Variants in GAS2 observed in about 807,000 individuals in gnomAD.
The protein encoded by GAS2 is growth arrest-specific protein 2.
GAS2 carries 20 observed loss-of-function variants against 37.5 expected under a neutral mutation model. The observed-to-expected ratio is 0.53, with a 90% CI of 0.37 to 0.77. GAS2 has a LOEUF of 0.77. Ranked by LOEUF, GAS2 falls within the 30% of genes least tolerant of loss-of-function variation. The probability of loss-of-function intolerance (pLI) is 0.00; values close to 1 mark genes in which losing one functional copy is unlikely to be tolerated. For missense variants in GAS2, 336 were observed against 373.4 expected (o/e 0.90, Z 0.82); for synonymous variants, 144 against 132.2 (o/e 1.09, Z -0.61).
intron 3 of GAS2, among the ~76,000 whole-genome samples, chr11:22,718,432 G>A (rs1851790099): frequency 6.6e-6 from 1 of 151,104 alleles, no homozygotes; most frequent in South Asian, 2.1e-4. Flanking sequence ...CAAACATTGT[G>A]TGTTCTCAGT....
At chr11:22,661,740 C>T (rs1437229377), upstream of GAS2, among the ~76,000 whole-genome samples, 3 of 152,138 alleles carry the variant, frequency 2.0e-5, no homozygotes, top group African/African-American at 7.2e-5. Context: ...TGCATCAAGT[C>T]TACCAATAAC....
At chr11:22,754,682 A>C (rs1435690076) in intron 6 of GAS2, among the ~76,000 whole-genome samples, 1 of 152,082 alleles carries the variant, frequency 6.6e-6, no homozygotes, top group African/African-American at 2.4e-5. Context: ...AGGAAAAACA[A>C]GTTGTTTAAT....
intron 1 of GAS2, among the ~76,000 whole-genome samples, chr11:22,645,699 T>C (rs910675668): frequency 6.6e-6 from 1 of 151,978 alleles, no homozygotes; most frequent in Non-Finnish European, 1.5e-5. Context: ...GAATGTCAAA[T>C]TTTATAGTGA....
chr11:22,774,335 TTC>T (rs1855143533), intron 7 of GAS2, among the ~76,000 whole-genome samples: 1 of 152,208 alleles, frequency 6.6e-6, no homozygotes, highest in African/African-American at 2.4e-5. Context: ...AATTTATTTA[TTC>T]TGTTACAAGT....
At chr11:22,701,702 G>T (rs1318572077) in intron 3 of GAS2, among the ~76,000 whole-genome samples, 2 of 152,046 alleles carry the variant, frequency 1.3e-5, no homozygotes, top group Non-Finnish European at 2.9e-5. Context: ...GGTGGCAGGT[G>T]CCTGTAGTCC....
chr11:22,753,070 T>C (rs1181583413), intron 6 of GAS2, among the ~76,000 whole-genome samples: 1 of 152,078 alleles, frequency 6.6e-6, no homozygotes, highest in Non-Finnish European at 1.5e-5. Context: ...CTTACTTTCT[T>C]CCTCTTCTCC....
chr11:22,805,785 T>C (rs1489422955), intron 7 of GAS2, among the ~76,000 whole-genome samples: 2 of 152,306 alleles, frequency 1.3e-5, no homozygotes, highest in African/African-American at 4.8e-5. Flanking sequence ...ATTCTGATTA[T>C]TTCTTGATGA....
Position 22,652,993 on chromosome 11 carries a change from G to GTCTTCCTTTCTTTCTT in GAS2, c.-20-21853_-20-21852insCCTTTCTTTCTTTCTT, listed in dbSNP as rs1848805744. Among the ~76,000 whole-genome samples the GTCTTCCTTTCTTTCTT allele has an allele frequency of 1.2e-4, 12 of 97,114 alleles. No individual in the cohort carries two copies. In the South Asian group the frequency reaches 4.3e-3, roughly 35 times the overall value. The allele number at this position is 97,114 out of a possible 152,430, so 63.7% of individuals were successfully genotyped here. On this transcript the variant is annotated intron_variant, in intron 1 of 5. Coordinates refer to the GAS2 transcript ENST00000528582. ...TTTCTTTCTTTGTCTTTCTTTCTTT[G>GTCTTCCTTTCTTTCTT]TCTTTCTTTCTTTCTTTCTTTCTTT... is the stretch of plus-strand genomic sequence containing the variant.
chr11:22,643,816 G>C (rs1173736641), intron 1 of GAS2, among the ~76,000 whole-genome samples: 1 of 151,870 alleles, frequency 6.6e-6, no homozygotes, highest in African/African-American at 2.4e-5. Context: ...ACAGTTATCA[G>C]TATATTGCTA....
chr11:22,746,482 G>A (rs891173304), intron 5 of GAS2, among the ~76,000 whole-genome samples: 1 of 152,080 alleles, frequency 6.6e-6, no homozygotes, highest in Admixed American at 6.6e-5. Context: ...ATGGTGGATT[G>A]GATAAAGAAA....
chr11:22,700,443 G>A lies in GAS2; in HGVS notation c.267+14654G>A, dbSNP rs75238288. On this transcript the variant is annotated intron_variant, in intron 3 of 7. Coordinates refer to ENST00000454584, the MANE Select transcript of GAS2 (RefSeq NM_001143830.3). ...AGGAGCAAATCTGACTTTTCCAGTC[G>A]TAAAGACGGAAGATTTGAGAATTTT... 4.5e-4 allele frequency among the ~76,000 whole-genome samples: 69 copies of A among 152,230 alleles called. No individual in the cohort carries two copies. The East Asian group carries it at 7.7e-3, about 17-fold the overall frequency.
intron 3 of GAS2, among the ~76,000 whole-genome samples, chr11:22,694,382 A>C (rs1259605023): frequency 6.6e-6 from 1 of 152,136 alleles, no homozygotes; most frequent in Admixed American, 6.5e-5. Context: ...ATTCACACTA[A>C]AATGAGGAAG....
At chr11:22,650,934 G>A (rs1848767725) in intron 1 of GAS2, among the ~76,000 whole-genome samples, 1 of 151,704 alleles carries the variant, frequency 6.6e-6, no homozygotes, top group Non-Finnish European at 1.5e-5. Flanking sequence ...AGTTAATATT[G>A]TTATGTGTGA....
chr11:22,766,802 A>ATATTTAC (rs1342442676), intron 7 of GAS2, among the ~76,000 whole-genome samples: 5 of 152,222 alleles, frequency 3.3e-5, no homozygotes. Flanking sequence ...TACTACAATT[A>ATATTTAC]TAAACTTATA....
chr11:22,732,770 T>TATCAAC, intron 4 of GAS2, among the ~76,000 whole-genome samples: 1 of 145,936 alleles, frequency 6.9e-6, no homozygotes, highest in South Asian at 2.2e-4. Flanking sequence ...CCCCTCCATT[T>TATCAAC]ATCATCATCA....
chr11:22,770,818 T>C (rs563415906), intron 7 of GAS2, among the ~76,000 whole-genome samples: 9 of 152,326 alleles, frequency 5.9e-5, no homozygotes, highest in African/African-American at 1.9e-4. Context: ...AAGCTTTTCT[T>C]TAGTCTTGTC....
rs1434240750 is a variant in GAS2, at chr11:22,812,459, T to C, written c.*443T>C. 1.2e-5 allele frequency: 2 copies of C among 162,034 alleles called. No homozygotes were observed. The highest frequency in any genetic ancestry group is 2.6e-5 in the Non-Finnish European group (2 of 76,404). The allele number at this position is 162,034 out of a possible 1,614,324, so 10.0% of individuals were successfully genotyped here. ...TTTTTTTTTTTTTACAAAATGATGA[T>C]TAGTGTGATAATGTGCTGCAAAAAA... On this transcript the variant is annotated 3_prime_UTR_variant, in exon 8 of 8. Coordinates refer to ENST00000454584, the MANE Select transcript of GAS2 (RefSeq NM_001143830.3).
intron 7 of GAS2, among the ~76,000 whole-genome samples, chr11:22,775,080 C>A (rs1051444012): frequency 4.6e-5 from 7 of 151,972 alleles, no homozygotes; most frequent in Non-Finnish European, 8.8e-5. Context: ...AGACATGATG[C>A]CAGGCAGACA....
chr11:22,664,184 G>A (rs56957434), upstream of GAS2, among the ~76,000 whole-genome samples: 803 of 152,080 alleles, frequency 5.3e-3, 7 homozygotes, highest in African/African-American at 0.018. Context: ...GGCTGTTTCC[G>A]TGTTATTTAA....
Sources: gnomAD v4.1 joint callset for allele counts (sites outside exome capture counted in the v4.1 genomes callset) on GRCh38, gnomAD v4.1.1 for gene constraint, MANE v1.5 for transcripts, NCBI Gene and HGNC (gene_info 2026-07-23, HGNC 2026-07-21) for gene names.